LRRTM3: variants seen among roughly 807,000 people sequenced by gnomAD.
The protein encoded by LRRTM3 is leucine-rich repeat transmembrane neuronal protein 3.
LRRTM3 carries 24 observed loss-of-function variants against 44.7 expected under a neutral mutation model. That is an observed-to-expected ratio of 0.54 (90% CI 0.39 to 0.76). The LOEUF (loss-of-function observed/expected upper bound fraction) is 0.76. Ranked by LOEUF, LRRTM3 falls within the 30% of genes least tolerant of loss-of-function variation. The probability of loss-of-function intolerance (pLI) is 0.00; values close to 1 mark genes in which losing one functional copy is unlikely to be tolerated. For missense variants in LRRTM3, 587 were observed against 702.2 expected (o/e 0.84, Z 1.85); for synonymous variants, 277 against 278.7 (o/e 0.99, Z 0.06).
At chr10:66,986,372 C>T (rs113128918) in intron 2 of LRRTM3, among the ~76,000 whole-genome samples, 2 of 152,154 alleles carry the variant, frequency 1.3e-5, no homozygotes, top group African/African-American at 4.8e-5. Context: ...TGGCACATGC[C>T]TATAGTCCCA....
chr10:67,064,913 A>G (rs1289883022), intron 2 of LRRTM3, among the ~76,000 whole-genome samples: 3 of 152,358 alleles, frequency 2.0e-5, no homozygotes, highest in Middle Eastern at 3.4e-3. Flanking sequence ...GAAAAAAGTT[A>G]TATGAGGCAA....
At chr10:67,012,761 G>T (rs1021112330) in intron 2 of LRRTM3, among the ~76,000 whole-genome samples, 1 of 152,070 alleles carries the variant, frequency 6.6e-6, no homozygotes, top group East Asian at 1.9e-4. Flanking sequence ...TCTGTAAAAT[G>T]ATCAAGATTT....
intron 2 of LRRTM3, among the ~76,000 whole-genome samples, chr10:67,091,226 C>A (rs1857612469): frequency 6.6e-6 from 1 of 151,846 alleles, no homozygotes; most frequent in African/African-American, 2.4e-5. Context: ...ATAAATGAAA[C>A]AGATAGTAGA....
intron 2 of LRRTM3, among the ~76,000 whole-genome samples, chr10:66,968,288 A>G (rs1049482340): frequency 1.3e-5 from 2 of 151,364 alleles, no homozygotes; most frequent in African/African-American, 4.8e-5. Context: ...GTTTGATTCT[A>G]CAGTATGGCA....
intron 2 of LRRTM3, among the ~76,000 whole-genome samples, chr10:67,045,747 T>G (rs1318817994): frequency 6.6e-6 from 1 of 152,136 alleles, no homozygotes; most frequent in East Asian, 1.9e-4. Context: ...CCCCTCTGTT[T>G]TTTTTAAAGA....
chr10:67,073,532 A>T (rs1353828834), intron 2 of LRRTM3, among the ~76,000 whole-genome samples: 1 of 152,158 alleles, frequency 6.6e-6, no homozygotes, highest in African/African-American at 2.4e-5. Context: ...ACAAGTATCA[A>T]CAAAAATCCT....
At chr10:66,988,667 G>T (rs1041011627) in intron 2 of LRRTM3, among the ~76,000 whole-genome samples, 4 of 152,076 alleles carry the variant, frequency 2.6e-5, no homozygotes, top group Non-Finnish European at 5.9e-5. Context: ...AACAGTTCAT[G>T]TTTAAAACCT....
chr10:67,072,889 C>CCTTTTAGAAGCTTTTAGCCTAGA (rs970319031), intron 2 of LRRTM3, among the ~76,000 whole-genome samples: 1 of 152,156 alleles, frequency 6.6e-6, no homozygotes, highest in African/African-American at 2.4e-5. Flanking sequence ...GGAAGCTCTG[C>CCTTTTAGAAGCTTTTAGCCTAGA]CTTTGGCTTC....
intron 2 of LRRTM3, among the ~76,000 whole-genome samples, chr10:66,978,399 C>T (rs1030615645): frequency 2.0e-5 from 3 of 150,798 alleles, no homozygotes; most frequent in South Asian, 2.1e-4. Context: ...TGGTGGTGGG[C>T]GCCTGTAATC....
At chr10:67,085,281 T>C (rs1031583280) in intron 2 of LRRTM3, among the ~76,000 whole-genome samples, 3 of 151,788 alleles carry the variant, frequency 2.0e-5, no homozygotes, top group African/African-American at 7.2e-5. Flanking sequence ...TAATCAAAAA[T>C]ATGACTAGTC....
At chr10:67,013,638 T>C (rs1852476412) in intron 2 of LRRTM3, among the ~76,000 whole-genome samples, 1 of 152,172 alleles carries the variant, frequency 6.6e-6, no homozygotes, top group Admixed American at 6.5e-5. Context: ...ACAAAAGTAT[T>C]AAAAGTATTA....
chr10:66,951,322 G>A (rs1241095983), intron 2 of LRRTM3, among the ~76,000 whole-genome samples: 1 of 151,982 alleles, frequency 6.6e-6, no homozygotes, highest in African/African-American at 2.4e-5. Context: ...CACCATGTTG[G>A]CCAGGCTGGT....
chr10:66,963,657 T>C (rs895589208), intron 2 of LRRTM3, among the ~76,000 whole-genome samples: 7 of 151,884 alleles, frequency 4.6e-5, no homozygotes, highest in African/African-American at 1.7e-4. Flanking sequence ...CTTTTCAGGG[T>C]AAGGTATAGA....
intron 2 of LRRTM3, among the ~76,000 whole-genome samples, chr10:66,974,647 T>C (rs2132845405): frequency 6.6e-6 from 1 of 152,330 alleles, no homozygotes. Flanking sequence ...GTTTCATTGG[T>C]TCATATCATC....
intron 2 of LRRTM3, among the ~76,000 whole-genome samples, chr10:67,037,388 GA>G (rs66693044): frequency 0.34 from 50,149 of 145,532 alleles, 8,957 homozygotes; most frequent in Middle Eastern, 0.55. Context: ...AAAGAAAAAA[GA>G]AAAAAAAAAC....
chr10:67,074,185 A>T (rs1471721599), intron 2 of LRRTM3, among the ~76,000 whole-genome samples: 2 of 151,548 alleles, frequency 1.3e-5, no homozygotes, highest in East Asian at 3.9e-4. Context: ...GGCACGTGCC[A>T]CCATGACCAG....
rs61866218 is a variant in LRRTM3, at chr10:66,981,824, G to C, written c.1536+53372G>C. ...CAACGACTTAAGAAGTGAGGACATC[G>C]AGCACATTGCATCATCTTCCTGCTG... On this transcript the variant is annotated intron_variant, in intron 2 of 2. Coordinates refer to ENST00000361320, the MANE Select transcript of LRRTM3 (RefSeq NM_178011.5). Among the ~76,000 whole-genome samples the C allele has an allele frequency of 7.5e-3, 1,146 of 152,290 alleles. 6 individuals carry two copies. Among genetic ancestry groups the C allele is most frequent in the Non-Finnish European group, 0.012 (819 of 68,008 alleles).
chr10:67,036,019 TG>T (rs1854028313), intron 2 of LRRTM3, among the ~76,000 whole-genome samples: 1 of 152,220 alleles, frequency 6.6e-6, no homozygotes, highest in African/African-American at 2.4e-5. Flanking sequence ...AGAGCAATTA[TG>T]TTAACAGTAT....
Position 67,099,673 on chromosome 10 carries a change from C to G in LRRTM3, c.*1877C>G, listed in dbSNP as rs1858222985. 1 of 152,158 alleles carries G rather than the reference C, an allele frequency of 6.6e-6. No homozygotes were observed. The highest frequency in any genetic ancestry group is 2.1e-4 in the South Asian group (1 of 4,826). The allele number at this position is 152,158 out of a possible 1,614,324, so 9.4% of individuals were successfully genotyped here. A position where few individuals can be genotyped will look rare whatever the true frequency, so the allele number is the denominator to read the frequency against. ...ATGTAAATGTTGGAAGAAGCAAATT[C>G]TATTACTAATTCAAATGAAACTAAA... On this transcript the variant is annotated 3_prime_UTR_variant, in exon 3 of 3. Transcript: ENST00000361320.
Sources: allele counts gnomAD v4.1 joint callset (sites outside exome capture counted in the v4.1 genomes callset), GRCh38; gene constraint gnomAD v4.1.1; transcripts MANE v1.5; gene names NCBI Gene and HGNC (gene_info 2026-07-23, HGNC 2026-07-21).